DIDO1: variants seen among roughly 807,000 people sequenced by gnomAD.
DIDO1 encodes death-inducer obliterator 1.
A neutral mutation model predicts 99.4 loss-of-function variants in DIDO1; 16 were observed. That is an observed-to-expected ratio of 0.16 (90% CI 0.11 to 0.24). DIDO1 has a LOEUF of 0.24. Ranked by LOEUF, DIDO1 falls within the 10% of genes least tolerant of loss-of-function variation. The probability of loss-of-function intolerance (pLI) is 1.00; values close to 1 mark genes in which losing one functional copy is unlikely to be tolerated. For synonymous variants in DIDO1, 1,366 were observed against 1,239.1 expected (o/e 1.10, Z -2.15); for missense variants, 2,996 against 3,014.0 (o/e 0.99, Z 0.14).
At chr20:62,921,632 ATTT>A (rs34536561) in intron 1 of DIDO1, among the ~76,000 whole-genome samples, 17 of 133,668 alleles carry the variant, frequency 1.3e-4, no homozygotes, top group East Asian at 2.2e-4. Context: ...GCTGCAGCCA[ATTT>A]TTTTTTTTTT....
chr20:62,888,673 C>T, intron 15 of DIDO1: 9 of 985,464 alleles, frequency 9.1e-6, no homozygotes, highest in Middle Eastern at 5.2e-4. Context: ...CACGCGCGCA[C>T]ATGCACACGC....
chr20:62,887,822 G>A, intron 15 of DIDO1: 1 of 985,490 alleles, frequency 1.0e-6, no homozygotes, highest in Non-Finnish European at 1.2e-6. Flanking sequence ...GAACTGAGTG[G>A]GGTGAACATC....
chr20:62,928,366 C>G (rs2065287674), upstream of DIDO1, among the ~76,000 whole-genome samples: 1 of 152,192 alleles, frequency 6.6e-6, no homozygotes, highest in Admixed American at 6.5e-5. Context: ...AGAATGCCTT[C>G]CTTCCTGCAA....
At chr20:62,922,534 A>G (rs1445867515) in intron 1 of DIDO1, among the ~76,000 whole-genome samples, 1 of 152,112 alleles carries the variant, frequency 6.6e-6, no homozygotes, top group Non-Finnish European at 1.5e-5. Context: ...CAGGCAGTGT[A>G]TCTGTCTAGG....
chr20:62,881,570 C>A lies in DIDO1; in HGVS notation c.4386G>T (p.Glu1462Asp). ...AGGGCGTCGCAGCCCCGGCCACCGG[C>A]TCGGCAGGCCTCTCCACGGAGTTCC... ...VRRNSVERPA[E>D]PVAGAATPSL... Residue 1462 changes from glutamate to aspartate, a missense_variant, in exon 16 of 16, where the codon GAG becomes GAT. Physicochemically the swap from Glu to Asp is conservative, Grantham distance 45. This residue lies in a region of DIDO1 where 1,562 missense variants were observed against 1,412.6 expected (regional missense o/e 1.11). Transcript: ENST00000395343. The surrounding 1 kb of genome is among the most constrained non-coding windows in gnomAD (Gnocchi z 8.3). 1 of 1,611,302 alleles carries A rather than the reference C, an allele frequency of 6.2e-7. No homozygotes were observed. The highest frequency in any genetic ancestry group is 1.1e-5 in the South Asian group (1 of 91,080).
Position 62,892,731 on chromosome 20 carries a change from G to T in DIDO1, c.3255+78C>A. On this transcript the variant is annotated intron_variant, in intron 13 of 15. Transcript: ENST00000395343. ...CTCTCCTACCTCATGAATTAAGGGAGAAAGTCATGTGTTTGACTCTAGTTT... is the reference window on the plus strand; with the variant it reads ...CTCTCCTACCTCATGAATTAAGGGATAAAGTCATGTGTTTGACTCTAGTTT... 3.3e-6 allele frequency: 5 copies of T among 1,501,918 alleles called. No homozygotes were observed. In the South Asian group the frequency reaches 6.5e-5, roughly 19 times the overall value. The allele number at this position is 1,501,918 out of a possible 1,614,324, so 93.0% of individuals were successfully genotyped here. A position where few individuals can be genotyped will look rare whatever the true frequency, so the allele number is the denominator to read the frequency against.
Position 62,891,990 on chromosome 20 carries a change from A to G in DIDO1, c.3342T>C (p.Ser1114=). The G allele has an allele frequency of 6.2e-7, 1 of 1,610,462 alleles. No individual in the cohort carries two copies. Among genetic ancestry groups the G allele is most frequent in the Non-Finnish European group, 8.5e-7 (1 of 1,178,996 alleles). The change falls in exon 14 of 16, where the codon TCT becomes TCC. Residue 1114 remains serine (S), a synonymous_variant. Transcript: ENST00000395343. ...AATTTATACTATAAGCAGGTACCTT[A>G]GACACAGAAGACTTGAGTTTGCCAA... ...DYVGKLKSSV[S]KELCLIRFHP... is the part of the protein sequence containing the mutation.
At chr20:62,900,563 T>C (rs1182632352) in intron 6 of DIDO1, among the ~76,000 whole-genome samples, 1 of 152,174 alleles carries the variant, frequency 6.6e-6, no homozygotes, top group African/African-American at 2.4e-5. Context: ...GGGATTAAAA[T>C]ATGGGGCAAG....
At chr20:62,890,501 A>G in intron 15 of DIDO1, 1 of 992,754 alleles carries the variant, frequency 1.0e-6, no homozygotes, top group Non-Finnish European at 1.2e-6. Flanking sequence ...ATTTCTAGAA[A>G]TAGTTTTCTA....
intron 4 of DIDO1, among the ~76,000 whole-genome samples, chr20:62,907,623 C>G (rs948720192): frequency 2.6e-5 from 4 of 152,240 alleles, no homozygotes; most frequent in Admixed American, 2.6e-4. Flanking sequence ...GCTCTGTGCA[C>G]CCCTCTCGAG....
In DIDO1 at chr20:62,879,341, C is replaced by T. The variant is rs749466238; in HGVS notation, c.6615G>A (p.Arg2205=). 1 of 1,554,618 alleles carries T rather than the reference C, an allele frequency of 6.4e-7. No homozygotes were observed. Among genetic ancestry groups the T allele is most frequent in the South Asian group, 1.2e-5 (1 of 85,168 alleles). ...RERDRDKARD[R]ERGRDRKDRS... ...GGTCCTTGCGGTCGCGGCCCCGCTC[C>T]CTGTCCCTGGCCTTGTCTCGGTCCC... The change falls in exon 16 of 16, where the codon AGG becomes AGA. Residue 2205 remains arginine (R), a synonymous_variant. Coordinates refer to ENST00000395343, the MANE Select transcript of DIDO1 (RefSeq NM_001193369.2). The surrounding 1 kb of genome is among the most constrained non-coding windows in gnomAD (Gnocchi z 6.3).
intron 15 of DIDO1, chr20:62,887,485 C>T (rs1043132561): frequency 2.5e-5 from 25 of 985,358 alleles, no homozygotes; most frequent in African/African-American, 1.7e-5. Flanking sequence ...AGAGCCCTTT[C>T]CATTCGAGCA....
chr20:62,929,692 A>AAAAAAAAAAAAAAAAAAAATATATATAT, upstream of DIDO1, among the ~76,000 whole-genome samples: 2 of 63,710 alleles, frequency 3.1e-5, no homozygotes, highest in African/African-American at 1.5e-4. Context: ...AAAAAGAAAA[A>AAAAAAAAAAAAAAAAAAAATATATATAT]GTGTATATAT....
In DIDO1 at chr20:62,879,270, G is replaced by A; in HGVS notation, c.6686C>T (p.Ser2229Leu). Residue 2229 changes from serine (S) to leucine (L), a missense_variant, in exon 16 of 16, where the codon TCG becomes TTG. Ser to Leu is a moderately radical substitution (Grantham distance 145, BLOSUM62 -2). Transcript: ENST00000395343. The surrounding 1 kb of genome is among the most constrained non-coding windows in gnomAD (Gnocchi z 6.3). Reference sequence around the variant, plus strand: ...GGCGGTGCCAGCGTCGGAGGCCCTCGAGGCCTCGGGCTTCGGGTCCCGAGC... The same window carrying A: ...GGCGGTGCCAGCGTCGGAGGCCCTCAAGGCCTCGGGCTTCGGGTCCCGAGC... The part of the protein sequence containing the change: ...ESARDPKPEA[S>L]RASDAGTASQ... 4 of 1,569,498 alleles carry A rather than the reference G, an allele frequency of 2.5e-6. No individual in the cohort carries two copies. Among genetic ancestry groups the A allele is most frequent in the Non-Finnish European group, 3.4e-6 (4 of 1,161,524 alleles).
At chr20:62,884,085 T>C (rs2064256852) in intron 15 of DIDO1, among the ~76,000 whole-genome samples, 1 of 152,174 alleles carries the variant, frequency 6.6e-6, no homozygotes, top group African/African-American at 2.4e-5. Context: ...GCTCATGTCT[T>C]TGTAAACACA....
chr20:62,937,298 C>T (rs149992360), intron 1 of DIDO1, among the ~76,000 whole-genome samples: 1 of 152,272 alleles, frequency 6.6e-6, no homozygotes, highest in Non-Finnish European at 1.5e-5. Context: ...TCGCATTCCT[C>T]CTGAGCGGAC....
upstream of DIDO1, among the ~76,000 whole-genome samples, chr20:62,929,668 C>G (rs1358985603): frequency 1.1e-5 from 1 of 90,424 alleles, no homozygotes; most frequent in African/African-American, 6.2e-5. Context: ...AGGAGGAGAA[C>G]GTGGATTCCC....
At chr20:62,936,585 G>A (rs981890298) in intron 1 of DIDO1, among the ~76,000 whole-genome samples, 2 of 151,660 alleles carry the variant, frequency 1.3e-5, no homozygotes, top group Admixed American at 6.6e-5. Context: ...ATCAAAATAG[G>A]CCGGGAGCGG....
In DIDO1 at chr20:62,896,491, T is replaced by C; in HGVS notation, c.2054+40A>G. 1 of 1,580,698 alleles carries C rather than the reference T, an allele frequency of 6.3e-7. No homozygotes were observed. Among genetic ancestry groups the C allele is most frequent in the Non-Finnish European group, 8.6e-7 (1 of 1,166,450 alleles). On this transcript the variant is annotated intron_variant, in intron 7 of 15. Coordinates refer to ENST00000395343, the MANE Select transcript of DIDO1 (RefSeq NM_001193369.2). This position sits in a 1 kb window ranked among gnomAD's most constrained non-coding sequence, Gnocchi z 4.4. ...TGCAGCCACACTCTAATGAAAGCCCTTCCATTTTAATGGGTAAGAAATCAA... is the reference window on the plus strand; with the variant it reads ...TGCAGCCACACTCTAATGAAAGCCCCTCCATTTTAATGGGTAAGAAATCAA...
Sources: allele counts gnomAD v4.1 joint callset (sites outside exome capture counted in the v4.1 genomes callset), GRCh38; gene constraint gnomAD v4.1.1; regional missense constraint gnomAD v4.1.1; non-coding constraint Gnocchi (gnomAD v3.1); transcripts MANE v1.5; gene names NCBI Gene and HGNC (gene_info 2026-07-23, HGNC 2026-07-21).